TBC1D2: variants seen among roughly 807,000 people sequenced by gnomAD.
TBC1D2 encodes TBC1 domain family member 2.
Under a neutral mutation model 91.1 loss-of-function variants are expected in TBC1D2, and 58 were observed. The observed-to-expected ratio is 0.64, with a 90% CI of 0.52 to 0.79. The LOEUF (loss-of-function observed/expected upper bound fraction) is 0.79. Ranked by LOEUF, TBC1D2 falls within the 30% of genes least tolerant of loss-of-function variation. TBC1D2 has a pLI of 0.00. For synonymous variants in TBC1D2, 482 were observed against 511.5 expected, an observed-to-expected ratio of 0.94 and a Z score of 0.78; for missense variants, 1,080 against 1,208.3, an observed-to-expected ratio of 0.89 and a Z score of 1.57.
intron 3 of TBC1D2, among the ~76,000 whole-genome samples, chr9:98,240,160 T>G (rs1379729509): frequency 8.4e-6 from 1 of 118,416 alleles, no homozygotes; most frequent in Non-Finnish European, 1.8e-5. Context: ...CCAGGTGTGT[T>G]TGTGTGGTGT....
In TBC1D2 at chr9:98,255,636, A is replaced by G; in HGVS notation, c.-95T>C. On this transcript the variant is annotated 5_prime_UTR_variant, in exon 1 of 13. Coordinates refer to ENST00000465784, the MANE Select transcript of TBC1D2 (RefSeq NM_001267571.2). The stretch of plus-strand genomic sequence containing the variant: ...GGCGGGCAGCTTCCCAAAGGGAGAC[A>G]CCTGGGCGGGGGCGGGGCCGACGGC... 7.4e-7 allele frequency: 1 copy of G among 1,358,340 alleles called. No homozygotes were observed. Among genetic ancestry groups the G allele is most frequent in the South Asian group, 1.9e-5 (1 of 53,966 alleles). 84.1% of individuals were successfully genotyped at this position (1,358,340 alleles called of 1,614,324 possible).
At chr9:98,218,321 C>T (rs1829017398) in intron 6 of TBC1D2, among the ~76,000 whole-genome samples, 1 of 152,214 alleles carries the variant, frequency 6.6e-6, no homozygotes, top group African/African-American at 2.4e-5. Context: ...AATCCCAGCA[C>T]TTTGGGAGGC....
chr9:98,220,912 G>T lies in TBC1D2; in HGVS notation c.1295C>A (p.Pro432His). 1 of 1,614,190 alleles carries T rather than the reference G, an allele frequency of 6.2e-7. No individual in the cohort carries two copies. Among genetic ancestry groups the T allele is most frequent in the South Asian group, 1.1e-5 (1 of 91,086 alleles). Residue 432 changes from proline (P) to histidine (H), a missense_variant, in exon 6 of 13, where the codon CCC becomes CAC. By Grantham distance (77) the Pro-to-His change is moderately conservative. Coordinates refer to ENST00000465784, the MANE Select transcript of TBC1D2 (RefSeq NM_001267571.2). ...GGGGCGCAAAGGAGACTGGTCAGGGGGGTGCGTGAAGTCCTGGGTGACCTT... is the reference window on the plus strand; with the variant it reads ...GGGGCGCAAAGGAGACTGGTCAGGGTGGTGCGTGAAGTCCTGGGTGACCTT... ...SEKVTQDFTH[P>H]PDQSPLRPDA...
intron 7 of TBC1D2, among the ~76,000 whole-genome samples, chr9:98,211,991 C>A (rs1418964566): frequency 6.6e-6 from 1 of 151,968 alleles, no homozygotes; most frequent in Non-Finnish European, 1.5e-5. Flanking sequence ...AGAGGCGGGG[C>A]TTCACCATGT....
intron 3 of TBC1D2, among the ~76,000 whole-genome samples, chr9:98,239,115 G>C (rs1829577286): frequency 2.0e-5 from 3 of 152,012 alleles, no homozygotes; most frequent in Non-Finnish European, 4.4e-5. Flanking sequence ...CTGAAGTGTG[G>C]TGGCATGCTC....
intron 12 of TBC1D2, 100 bp downstream of exon 12, chr9:98,200,153 C>A: frequency 6.6e-7 from 1 of 1,511,534 alleles, no homozygotes; most frequent in East Asian, 2.3e-5. Context: ...GCATCAGCGT[C>A]ACTTACCAAT....
chr9:98,251,325 C>T (rs569572878), intron 2 of TBC1D2, among the ~76,000 whole-genome samples: 2 of 152,036 alleles, frequency 1.3e-5, no homozygotes, highest in Admixed American at 6.5e-5. Context: ...ACCCAACTCA[C>T]GACACAAATC....
chr9:98,251,745 A>G, intron 2 of TBC1D2, 40 bp downstream of exon 2: 1 of 1,528,448 alleles, frequency 6.5e-7, no homozygotes, highest in South Asian at 1.3e-5. Flanking sequence ...TAATCACCAG[A>G]GCCCTGGGTG....
At chr9:98,207,518 G>A (rs1045551053) in intron 9 of TBC1D2, among the ~76,000 whole-genome samples, 8 of 152,064 alleles carry the variant, frequency 5.3e-5, no homozygotes, top group Admixed American at 1.3e-4. Flanking sequence ...CCCTCCCTGC[G>A]TCCCCTACCA....
At chr9:98,246,327 G>C (rs1373209178) in intron 2 of TBC1D2, among the ~76,000 whole-genome samples, 1 of 152,106 alleles carries the variant, frequency 6.6e-6, no homozygotes, top group Non-Finnish European at 1.5e-5. Context: ...ATAATGATGG[G>C]GGTCAGGGGG....
In TBC1D2 at chr9:98,203,407, G is replaced by T; in HGVS notation, c.2152C>A (p.Leu718Met). The T allele has an allele frequency of 1.2e-6, 2 of 1,614,106 alleles. No homozygotes were observed. The highest frequency in any genetic ancestry group is 1.7e-6 in the Non-Finnish European group (2 of 1,180,030). The change falls in exon 10 of 13, where the codon CTG (leucine) becomes ATG (methionine). Residue 718 changes from leucine to methionine, a missense_variant and splice_region_variant. Physicochemically the swap from Leu to Met is conservative, Grantham distance 15. Transcript: ENST00000465784. ...TIGYCQGLNR[L>M]AAIALLVLEE... is the part of the protein sequence containing the mutation. ...AGGACCAGCAGGGCAATGGCCGCCAGCCTGGAGTAGTAGGGAAGGCCTGGA... is the reference window on the plus strand; with the variant it reads ...AGGACCAGCAGGGCAATGGCCGCCATCCTGGAGTAGTAGGGAAGGCCTGGA...
chr9:98,236,966 G>A (rs1158250209), intron 3 of TBC1D2, among the ~76,000 whole-genome samples: 2 of 151,780 alleles, frequency 1.3e-5, no homozygotes, highest in African/African-American at 4.8e-5. Context: ...ACTTTTCATG[G>A]GGTTGGGAAT....
intron 3 of TBC1D2, chr9:98,235,214 A>AT (rs1829474448): frequency 3.4e-6 from 1 of 291,212 alleles, no homozygotes; most frequent in Non-Finnish European, 6.8e-6. Context: ...AAAAAAAAAA[A>AT]AGATCTGGGA....
chr9:98,255,466 G>C lies in TBC1D2; in HGVS notation c.76C>G (p.Gln26Glu). The C allele has an allele frequency of 6.3e-7, 1 of 1,590,710 alleles. No individual in the cohort carries two copies. Among genetic ancestry groups the C allele is most frequent in the African/African-American group, 1.3e-5 (1 of 74,746 alleles). Reference protein sequence around the residue: ...PGSEESARDPQVPPPEEESGD... With the variant: ...PGSEESARDPEVPPPEEESGD... Reference sequence around the variant, plus strand: ...GATTCTTCCTCCGGAGGCGGCACCTGTGGATCCCTGGCAGACTCTTCGGAC... The same window carrying C: ...GATTCTTCCTCCGGAGGCGGCACCTCTGGATCCCTGGCAGACTCTTCGGAC... The change falls in exon 1 of 13, where the codon CAG becomes GAG. Residue 26 changes from glutamine to glutamate, a missense_variant. Coordinates refer to ENST00000465784, the MANE Select transcript of TBC1D2 (RefSeq NM_001267571.2).
chr9:98,214,087 C>A (rs1047313473), intron 6 of TBC1D2, among the ~76,000 whole-genome samples: 3 of 152,260 alleles, frequency 2.0e-5, no homozygotes. Flanking sequence ...CTATACCTCA[C>A]AATTCCAGGG....
intron 7 of TBC1D2, among the ~76,000 whole-genome samples, chr9:98,212,875 T>C (rs955793121): frequency 6.6e-6 from 1 of 152,194 alleles, no homozygotes; most frequent in African/African-American, 2.4e-5. Context: ...ACCAGCCTTA[T>C]TGGTCTTGAT....
At chr9:98,237,508 T>C (rs1216845971) in intron 3 of TBC1D2, among the ~76,000 whole-genome samples, 1 of 151,774 alleles carries the variant, frequency 6.6e-6, no homozygotes, top group Admixed American at 6.6e-5. Context: ...TCAAACTTTT[T>C]TTTTCTTTTT....
chr9:98,233,480 A>G lies in TBC1D2; in HGVS notation c.717T>C (p.Asp239=), dbSNP rs368554625. The G allele has an allele frequency of 1.1e-5, 17 of 1,613,972 alleles. No homozygotes were observed. The highest frequency in any genetic ancestry group is 1.4e-5 in the Non-Finnish European group (17 of 1,179,976). ...TCTGAGGCTCCCCACTCTGTGGAGA[A>G]TCTTCCCCTGGAGGTTCATGGCCTG... The part of the protein sequence containing the change: ...QGTGHEPPGE[D]SPQSGEPQRE... Residue 239 remains aspartate (D), a synonymous_variant, in exon 4 of 13, where the codon GAT becomes GAC. Transcript: ENST00000465784.
At position 98,209,145 on chromosome 9, in the gene TBC1D2, C is replaced by T; in HGVS notation, c.1674-1G>A. 6.2e-7 allele frequency: 1 copy of T among 1,605,824 alleles called. No homozygotes were observed. Among genetic ancestry groups the T allele is most frequent in the Non-Finnish European group, 8.5e-7 (1 of 1,173,132 alleles). The stretch of plus-strand genomic sequence containing the variant: ...CAGGAAGCCGTACTCATCATACTTA[C>T]TGCCAGCAAAAGTGCACGTTAGCAA... On this transcript the variant is annotated splice_acceptor_variant, in intron 8 of 12. Coordinates refer to ENST00000465784, the MANE Select transcript of TBC1D2 (RefSeq NM_001267571.2). LOFTEE classifies it high-confidence loss of function.
Sources: allele counts gnomAD v4.1 joint callset (sites outside exome capture counted in the v4.1 genomes callset), GRCh38; gene constraint gnomAD v4.1.1; transcripts MANE v1.5; gene names NCBI Gene and HGNC (gene_info 2026-07-23, HGNC 2026-07-21).